The following KCND2 variants were observed in gnomAD, a reference collection of about 807,000 sequenced individuals.
KCND2 encodes the protein potassium voltage-gated channel subfamily D member 2, also known as A-type voltage-gated potassium channel KCND2.
KCND2 carries 16 observed loss-of-function variants against 54.4 expected under a neutral mutation model. The observed-to-expected ratio is 0.29, with a 90% confidence interval of 0.20 to 0.45. KCND2 has a LOEUF of 0.45. Among genes scored for constraint, KCND2 ranks in the 20% least tolerant of loss-of-function variants. The pLI is 1.00. For synonymous variants in KCND2, 317 were observed against 310.7 expected, an observed-to-expected ratio of 1.02 and a Z score of -0.21; for missense variants, 486 against 824.2, an observed-to-expected ratio of 0.59 and a Z score of 5.02.
chr7:120,639,511 A>G (rs1309637547), intron 1 of KCND2, among the ~76,000 whole-genome samples: 1 of 152,136 alleles, frequency 6.6e-6, no homozygotes, highest in East Asian at 1.9e-4. Flanking sequence ...CTGGGAAAAA[A>G]GCTGCATGTT....
At chr7:120,539,777 CT>C (rs926059945) in intron 1 of KCND2, among the ~76,000 whole-genome samples, 6 of 151,970 alleles carry the variant, frequency 3.9e-5, no homozygotes, top group Non-Finnish European at 5.9e-5. Flanking sequence ...CATAAATCTA[CT>C]TTTTTTTAGC....
chr7:120,653,387 T>C (rs554158716), intron 1 of KCND2, among the ~76,000 whole-genome samples: 16 of 151,958 alleles, frequency 1.1e-4, no homozygotes, highest in South Asian at 6.2e-4. Flanking sequence ...CCCCCAGAGA[T>C]AGTGGAATAA....
intron 1 of KCND2, among the ~76,000 whole-genome samples, chr7:120,554,292 C>T (rs1198084084): frequency 6.6e-6 from 1 of 152,212 alleles, no homozygotes; most frequent in Non-Finnish European, 1.5e-5. Context: ...GTTAGAGCAG[C>T]GGTTCTCAAA....
At chr7:120,539,749 T>C (rs1791956904) in intron 1 of KCND2, among the ~76,000 whole-genome samples, 1 of 152,186 alleles carries the variant, frequency 6.6e-6, no homozygotes, top group Non-Finnish European at 1.5e-5. Context: ...TAGTTACCAA[T>C]TTTTTGTGGC....
At chr7:120,420,906 C>T (rs538568393) in intron 1 of KCND2, among the ~76,000 whole-genome samples, 7 of 152,150 alleles carry the variant, frequency 4.6e-5, no homozygotes, top group African/African-American at 1.4e-4. Flanking sequence ...TATGTGACAT[C>T]GGCAGAGACT....
intron 1 of KCND2, among the ~76,000 whole-genome samples, chr7:120,634,438 ACT>A (rs1024235081): frequency 1.1e-4 from 17 of 151,602 alleles, no homozygotes; most frequent in Admixed American, 8.5e-4. Context: ...CCACTTAACT[ACT>A]CCATTCAACA....
At chr7:120,596,129 T>C (rs1792742948) in intron 1 of KCND2, among the ~76,000 whole-genome samples, 1 of 152,186 alleles carries the variant, frequency 6.6e-6, no homozygotes, top group African/African-American at 2.4e-5. Flanking sequence ...TTGCCCTTAT[T>C]TTGTTTACTT....
At chr7:120,352,662 T>C (rs1800432279) in intron 1 of KCND2, among the ~76,000 whole-genome samples, 1 of 152,118 alleles carries the variant, frequency 6.6e-6, no homozygotes, top group Admixed American at 6.6e-5. Flanking sequence ...AGGGACAATA[T>C]GTTAGCAGGG....
rs1800580711 is a variant in KCND2 at position 120,360,742 on chromosome 7, A to T, written c.1115+84995A>T. On this transcript the variant is annotated intron_variant, in intron 1 of 5. Transcript: ENST00000331113. Reference sequence around the variant, plus strand: ...TGTGATTTGGCTCTTCTTAATCTTGACGCCAGTGTTACATACTTTTCAATT... The same window carrying T: ...TGTGATTTGGCTCTTCTTAATCTTGTCGCCAGTGTTACATACTTTTCAATT... Among the ~76,000 whole-genome samples the T allele has an allele frequency of 2.0e-5, 3 of 152,158 alleles. No individual in the cohort carries two copies. The South Asian group carries it at 6.2e-4, about 32-fold the overall frequency.
intron 1 of KCND2, among the ~76,000 whole-genome samples, chr7:120,601,826 A>G (rs557338483): frequency 6.6e-6 from 1 of 152,278 alleles, no homozygotes; most frequent in South Asian, 2.1e-4. Context: ...ACCCACACTG[A>G]ACTACACTAT....
intron 1 of KCND2, among the ~76,000 whole-genome samples, chr7:120,433,861 T>C (rs1224937728): frequency 6.6e-6 from 1 of 152,194 alleles, no homozygotes; most frequent in Non-Finnish European, 1.5e-5. Context: ...TGAGTGATGA[T>C]GGGATTATTT....
chr7:120,692,942 G>A (rs373826578), intron 1 of KCND2, among the ~76,000 whole-genome samples: 9 of 151,960 alleles, frequency 5.9e-5, no homozygotes, highest in African/African-American at 9.7e-5. Context: ...CATTTTCCCC[G>A]CAAAGGAAAA....
intron 1 of KCND2, among the ~76,000 whole-genome samples, chr7:120,373,641 G>A (rs10256895): frequency 6.6e-6 from 1 of 151,792 alleles, no homozygotes; most frequent in African/African-American, 2.4e-5. Context: ...TAAATCCTTA[G>A]ATATCTAATA....
rs190188994 is a variant in KCND2 at position 120,419,357 on chromosome 7, A to C, written c.1115+143610A>C. 2.1e-3 allele frequency among the ~76,000 whole-genome samples: 316 copies of C among 152,294 alleles called. 2 individuals are homozygous for C. The highest frequency in any genetic ancestry group is 1.4e-3 in the Non-Finnish European group (92 of 68,018). On this transcript the variant is annotated intron_variant, in intron 1 of 5. Coordinates refer to ENST00000331113, the MANE Select transcript of KCND2 (RefSeq NM_012281.3). Reference sequence around the variant, plus strand: ...TTTGCATTTAAAAAAAATAAAACTAAAAGAATTGGTCAAAGAAAAGAAAAT... The same window carrying C: ...TTTGCATTTAAAAAAAATAAAACTACAAGAATTGGTCAAAGAAAAGAAAAT...
chr7:120,404,761 A>AT (rs1440652728), intron 1 of KCND2, among the ~76,000 whole-genome samples: 2 of 124,614 alleles, frequency 1.6e-5, no homozygotes, highest in Non-Finnish European at 1.6e-5. Flanking sequence ...ATTAGCACTG[A>AT]TTTTTGGGGG....
chr7:120,655,250 T>C (rs948656836), intron 1 of KCND2, among the ~76,000 whole-genome samples: 1 of 152,018 alleles, frequency 6.6e-6, no homozygotes, highest in Non-Finnish European at 1.5e-5. Context: ...AGAGGCAGCA[T>C]CAGCTATAAA....
At chr7:120,523,746 G>A (rs1309492034) in intron 1 of KCND2, among the ~76,000 whole-genome samples, 2 of 128,912 alleles carry the variant, frequency 1.6e-5, no homozygotes, top group Admixed American at 7.6e-5. Flanking sequence ...GTGTGTGTGT[G>A]TATGTCTTTG....
Position 120,637,894 on chromosome 7 carries a change from C to T in KCND2, c.1116-95009C>T, listed in dbSNP as rs76315408. Among the ~76,000 whole-genome samples, 640 of 151,944 alleles carry T rather than the reference C, an allele frequency of 4.2e-3. 3 individuals carry two copies. Among genetic ancestry groups the T allele is most frequent in the Non-Finnish European group, 7.1e-3 (481 of 67,890 alleles). On this transcript the variant is annotated intron_variant, in intron 1 of 5. Coordinates refer to ENST00000331113, the MANE Select transcript of KCND2 (RefSeq NM_012281.3). ...TGAGAATCTGAAAATGAAGACCCAGCGGAATCCTTACCTCAAAGCTAAAAT... is the reference window on the plus strand; with the variant it reads ...TGAGAATCTGAAAATGAAGACCCAGTGGAATCCTTACCTCAAAGCTAAAAT...
chr7:120,278,546 A>G (rs1171339766), intron 1 of KCND2, among the ~76,000 whole-genome samples: 1 of 151,302 alleles, frequency 6.6e-6, no homozygotes, highest in African/African-American at 2.4e-5. Context: ...AGAATAAATA[A>G]CCAAGAGCTT....
Sources: gnomAD v4.1 joint callset for allele counts (sites outside exome capture counted in the v4.1 genomes callset) on GRCh38, gnomAD v4.1.1 for gene constraint, MANE v1.5 for transcripts, NCBI Gene and HGNC (gene_info 2026-07-23, HGNC 2026-07-21) for gene names.